The following CEP162 variants were observed in gnomAD, a reference collection of about 807,000 sequenced individuals.
CEP162 encodes the protein centrosomal protein 162.
CEP162 carries 141 observed loss-of-function variants against 169.2 expected under a neutral mutation model. That is an observed-to-expected ratio of 0.83 (90% CI 0.73 to 0.96). The LOEUF (loss-of-function observed/expected upper bound fraction) is 0.96, where lower values mean the gene tolerates loss of function less well. Among genes scored for constraint, CEP162 ranks in the 40% least tolerant of loss-of-function variants. The probability of loss-of-function intolerance (pLI) is 0.00; values close to 1 mark genes in which losing one functional copy is unlikely to be tolerated. For synonymous variants in CEP162, 540 were observed against 526.4 expected, an observed-to-expected ratio of 1.03 and a Z score of -0.35; for missense variants, 1,600 against 1,587.2, an observed-to-expected ratio of 1.01 and a Z score of -0.14.
chr6:84,205,512 T>C (rs1028493063), intron 6 of CEP162, among the ~76,000 whole-genome samples: 11 of 152,164 alleles, frequency 7.2e-5, no homozygotes, highest in African/African-American at 2.7e-4. Flanking sequence ...TTTGACAAAA[T>C]TCAACAGCCC....
At chr6:84,194,481 TCTCA>T (rs918202803) in intron 10 of CEP162, among the ~76,000 whole-genome samples, 5 of 144,104 alleles carry the variant, frequency 3.5e-5, no homozygotes, top group Middle Eastern at 3.4e-3. Context: ...TAAGGCAGAG[TCTCA>T]CTCTGTTGCC....
At chr6:84,131,331 G>A (rs1163108708) in intron 25 of CEP162, among the ~76,000 whole-genome samples, 2 of 152,176 alleles carry the variant, frequency 1.3e-5, no homozygotes, top group Non-Finnish European at 2.9e-5. Flanking sequence ...TGTTGATTTG[G>A]GGTGGAGAGT....
chr6:84,182,300 A>G (rs2099535202), intron 13 of CEP162, among the ~76,000 whole-genome samples: 1 of 152,130 alleles, frequency 6.6e-6, no homozygotes, highest in African/African-American at 2.4e-5. Context: ...AATTTTAAAT[A>G]ATAAGCATAT....
At chr6:84,154,127 G>A (rs2099522163) in intron 22 of CEP162, among the ~76,000 whole-genome samples, 1 of 152,090 alleles carries the variant, frequency 6.6e-6, no homozygotes, top group Admixed American at 6.6e-5. Context: ...CAAGTAGTAA[G>A]CAAAGGCAGG....
chr6:84,192,437 G>A (rs1484466348), intron 11 of CEP162, among the ~76,000 whole-genome samples: 2 of 152,190 alleles, frequency 1.3e-5, no homozygotes. Flanking sequence ...GCAATGATGA[G>A]TGGTACCATC....
At chr6:84,175,417 C>T (rs1166036103) in intron 13 of CEP162, 70 bp from the exon 14 acceptor site, 1 of 1,108,494 alleles carries the variant, frequency 9.0e-7, no homozygotes, top group East Asian at 2.8e-5. Context: ...CAATTGTGTC[C>T]AATAACTAAA....
intron 2 of CEP162, among the ~76,000 whole-genome samples, chr6:84,225,659 T>C (rs991169888): frequency 6.6e-6 from 1 of 152,198 alleles, no homozygotes; most frequent in African/African-American, 2.4e-5. Context: ...TTACAGACCA[T>C]ACATTCTTAT....
At chr6:84,143,632 GAA>G (rs914599758) in intron 25 of CEP162, among the ~76,000 whole-genome samples, 4 of 151,772 alleles carry the variant, frequency 2.6e-5, no homozygotes, top group African/African-American at 9.7e-5. Context: ...GAAGGAGAGA[GAA>G]AGAGAAAGTG....
intron 20 of CEP162, 107 bp from the exon 21 acceptor site, chr6:84,161,023 C>A: frequency 1.3e-6 from 1 of 772,830 alleles, no homozygotes; most frequent in South Asian, 1.6e-5. Context: ...AATTCCTCAG[C>A]AAAATTTGGG....
At position 84,161,745 on chromosome 6, in the gene CEP162, C is replaced by G. The variant is rs760028655; in HGVS notation, c.2676+1G>C. ...GAAATACATTCTGAAATATCTATTACCTCAAGTTTGAGCTTCTCAATTTCC... is the reference window on the plus strand; with the variant it reads ...GAAATACATTCTGAAATATCTATTAGCTCAAGTTTGAGCTTCTCAATTTCC... On this transcript the variant is annotated splice_donor_variant, in intron 20 of 26. Transcript: ENST00000403245. LOFTEE classifies it high-confidence loss of function. The G allele has an allele frequency of 3.8e-6, 6 of 1,578,518 alleles. No individual in the cohort carries two copies. The South Asian group carries it at 7.0e-5, about 18-fold the overall frequency.
intron 6 of CEP162, among the ~76,000 whole-genome samples, chr6:84,204,657 C>T (rs977579541): frequency 1.3e-5 from 2 of 152,108 alleles, no homozygotes; most frequent in Non-Finnish European, 2.9e-5. Context: ...CCTAACATCA[C>T]AATTAAAAGA....
intron 16 of CEP162, among the ~76,000 whole-genome samples, 179 bp downstream of exon 16, chr6:84,173,869 G>T (rs2099531191): frequency 6.6e-6 from 1 of 151,836 alleles, no homozygotes; most frequent in Admixed American, 6.6e-5. Flanking sequence ...ATTTTTAGTA[G>T]AGATGGTGTT....
chr6:84,200,955 TTC>T (rs765303840), intron 8 of CEP162, 50 bp from the exon 9 acceptor site: 1 of 1,134,918 alleles, frequency 8.8e-7, no homozygotes, highest in South Asian at 1.3e-5. Context: ...AACTCAGTGG[TTC>T]TGTTGATCTA....
intron 18 of CEP162, among the ~76,000 whole-genome samples, chr6:84,163,643 T>C (rs750899085): frequency 6.6e-6 from 1 of 151,842 alleles, no homozygotes; most frequent in African/African-American, 2.4e-5. Context: ...TGAATTGCTG[T>C]ACAGTCAGTT....
chr6:84,154,288 T>TAG (rs1009000381), intron 22 of CEP162, among the ~76,000 whole-genome samples: 1 of 152,134 alleles, frequency 6.6e-6, no homozygotes, highest in African/African-American at 2.4e-5. Context: ...AATTGTTTGC[T>TAG]AGACTCCAGA....
At chr6:84,220,547 T>A (rs1177313976) in intron 3 of CEP162, among the ~76,000 whole-genome samples, 1 of 152,108 alleles carries the variant, frequency 6.6e-6, no homozygotes, top group Non-Finnish European at 1.5e-5. Context: ...ATTGCTTGAG[T>A]CCAGGAGTTT....
chr6:84,145,889 G>A (rs1360426342), intron 25 of CEP162, among the ~76,000 whole-genome samples: 1 of 152,032 alleles, frequency 6.6e-6, no homozygotes, highest in East Asian at 1.9e-4. Flanking sequence ...TCAGAAATTA[G>A]TATACAGACT....
chr6:84,129,337 A>T (rs890874436), intron 25 of CEP162, among the ~76,000 whole-genome samples: 1 of 152,150 alleles, frequency 6.6e-6, no homozygotes, highest in Non-Finnish European at 1.5e-5. Flanking sequence ...ATTTCTCCGC[A>T]TCCTCTCCAG....
chr6:84,219,992 G>A (rs1049864734), intron 3 of CEP162, among the ~76,000 whole-genome samples: 3 of 152,134 alleles, frequency 2.0e-5, no homozygotes, highest in African/African-American at 7.2e-5. Context: ...AGGATGAGAG[G>A]AAAGGCATTC....
Sources: allele counts gnomAD v4.1 joint callset (sites outside exome capture counted in the v4.1 genomes callset), GRCh38; gene constraint gnomAD v4.1.1; transcripts MANE v1.5; gene names NCBI Gene and HGNC (gene_info 2026-07-23, HGNC 2026-07-21).